Variants in LARP1B observed in about 807,000 individuals in gnomAD.
The protein encoded by LARP1B is La ribonucleoprotein 1B.
A neutral mutation model predicts 114.2 loss-of-function variants in LARP1B; 76 were observed. That is an observed-to-expected ratio of 0.67 (90% CI 0.55 to 0.81). The LOEUF is 0.81. Among genes scored for constraint, LARP1B ranks in the 30% least tolerant of loss-of-function variants. The pLI, the probability that LARP1B is intolerant of heterozygous loss-of-function variation, is 0.00. For synonymous variants in LARP1B, 345 were observed against 348.0 expected (o/e 0.99, Z 0.10); for missense variants, 1,014 against 1,075.8 (o/e 0.94, Z 0.80).
intron 12 of LARP1B, among the ~76,000 whole-genome samples, chr4:128,165,847 A>G (rs1448971453): frequency 6.6e-6 from 1 of 152,082 alleles, no homozygotes; most frequent in Admixed American, 6.6e-5. Flanking sequence ...CTTCTGCCTC[A>G]TAGAGTCTTT....
Position 128,135,098 on chromosome 4 carries a change from AAAATAAATAAATAAATAAAT to A in LARP1B, c.1524+12938_1524+12957del, listed in dbSNP as rs71304333. On this transcript the variant is annotated intron_variant, in intron 11 of 19. Coordinates refer to ENST00000326639, the MANE Select transcript of LARP1B (RefSeq NM_018078.4). The stretch of plus-strand genomic sequence containing the variant: ...GCCTGGGTGACTGAGACTTCATCTC[AAAATAAATAAATAAATAAAT>A]AAATAAATAAATAAATAAATAAATA... Among the ~76,000 whole-genome samples, 303 of 141,568 alleles carry A rather than the reference AAAATAAATAAATAAATAAAT, an allele frequency of 2.1e-3. 1 individual carries two copies. Among genetic ancestry groups the A allele is most frequent in the Non-Finnish European group, 3.3e-3 (216 of 65,512 alleles). The allele number at this position is 141,568 out of a possible 152,430, so 92.9% of individuals were successfully genotyped here. A position where few individuals can be genotyped will look rare whatever the true frequency, so the allele number is the denominator to read the frequency against.
At chr4:128,162,399 T>C (rs1025463277) in intron 12 of LARP1B, 82 bp downstream of exon 12, 5 of 1,252,126 alleles carry the variant, frequency 4.0e-6, no homozygotes, top group Non-Finnish European at 5.5e-6. Flanking sequence ...TCCTTTTTTT[T>C]CTTTATTTGT....
In LARP1B at chr4:128,136,332, AAAAAC is replaced by A. The variant is rs569897967; in HGVS notation, c.1524+14154_1524+14158del. ...AGTCTCAAGAAAAACAAAAAAACAA[AAAAAC>A]AAAACAAAAAACAAAAAACAAAACT... On this transcript the variant is annotated intron_variant, in intron 11 of 19. Coordinates refer to ENST00000326639, the MANE Select transcript of LARP1B (RefSeq NM_018078.4). Among the ~76,000 whole-genome samples the A allele has an allele frequency of 3.0e-3, 454 of 151,972 alleles. 4 individuals carry two copies. Among genetic ancestry groups the A allele is most frequent in the African/African-American group, 0.01 (434 of 41,472 alleles).
At chr4:128,183,062 G>A (rs180872182) in intron 15 of LARP1B, among the ~76,000 whole-genome samples, 6 of 152,340 alleles carry the variant, frequency 3.9e-5, no homozygotes, top group Admixed American at 2.6e-4. Flanking sequence ...TAATATAAAA[G>A]TGCAAGGTGA....
chr4:128,081,095 TGA>T (rs1458578301), intron 4 of LARP1B, among the ~76,000 whole-genome samples: 3 of 107,750 alleles, frequency 2.8e-5, no homozygotes, highest in African/African-American at 1.0e-4. Context: ...TTTTTTTTTT[TGA>T]GACAGACTCT....
At chr4:128,170,872 CTTTTTTT>C (rs70966085) in intron 12 of LARP1B, among the ~76,000 whole-genome samples, 10 of 95,016 alleles carry the variant, frequency 1.1e-4, no homozygotes, top group African/African-American at 2.0e-4. Flanking sequence ...TTTTTCTTTT[CTTTTTTT>C]TTTTTTTTTT....
downstream of LARP1B, among the ~76,000 whole-genome samples, chr4:128,213,808 G>A (rs7691073): frequency 9.0e-3 from 1,376 of 152,302 alleles, 24 homozygotes; most frequent in African/African-American, 0.031. Context: ...AGCCAAGATG[G>A]CTGAATAGGA....
At chr4:128,222,642 G>C (rs1760104873), downstream of LARP1B, 1 of 263,136 alleles carries the variant, frequency 3.8e-6, no homozygotes, top group African/African-American at 2.3e-5. Flanking sequence ...CCCAAGAAGG[G>C]GAATAACTTA....
intron 11 of LARP1B, among the ~76,000 whole-genome samples, chr4:128,134,859 C>G (rs1196514651): frequency 6.6e-6 from 1 of 152,088 alleles, no homozygotes; most frequent in African/African-American, 2.4e-5. Context: ...AATCCCAGCA[C>G]TTTAGGAGGC....
chr4:128,130,131 T>C (rs1791093789), intron 11 of LARP1B, among the ~76,000 whole-genome samples: 1 of 152,158 alleles, frequency 6.6e-6, no homozygotes, highest in South Asian at 2.1e-4. Context: ...AGTGGGAGGA[T>C]TGCTTGAGAC....
chr4:128,126,797 T>C (rs1789773718), intron 11 of LARP1B, among the ~76,000 whole-genome samples: 1 of 125,444 alleles, frequency 8.0e-6, no homozygotes. Flanking sequence ...ATTATAAAGC[T>C]TTTTATTTGT....
In LARP1B at chr4:128,118,485, C is replaced by G. The variant is rs531529659; in HGVS notation, c.1162-3341C>G. Among the ~76,000 whole-genome samples the G allele has an allele frequency of 5.3e-5, 8 of 152,072 alleles. No individual in the cohort carries two copies. In the East Asian group the frequency reaches 1.6e-3, roughly 29 times the overall value. On this transcript the variant is annotated intron_variant, in intron 10 of 19. Coordinates refer to ENST00000326639, the MANE Select transcript of LARP1B (RefSeq NM_018078.4). ...TCTCCTTACCTCGTGATCCGCCCGCCTCAGCCTCCCAAAGTGCTGGGATTA... is the reference window on the plus strand; with the variant it reads ...TCTCCTTACCTCGTGATCCGCCCGCGTCAGCCTCCCAAAGTGCTGGGATTA...
chr4:128,104,514 A>G (rs1288179275), intron 8 of LARP1B, among the ~76,000 whole-genome samples: 1 of 151,732 alleles, frequency 6.6e-6, no homozygotes, highest in Non-Finnish European at 1.5e-5. Context: ...ACCTGATCTC[A>G]GCTCACTGCA....
intron 9 of LARP1B, chr4:128,108,122 A>T: frequency 7.5e-7 from 1 of 1,327,316 alleles, no homozygotes; most frequent in Non-Finnish European, 9.6e-7. Flanking sequence ...GAGGACTGCT[A>T]CTCTTTTTAT....
At chr4:128,141,215 A>T (rs1727948288) in intron 11 of LARP1B, among the ~76,000 whole-genome samples, 1 of 152,070 alleles carries the variant, frequency 6.6e-6, no homozygotes, top group African/African-American at 2.4e-5. Flanking sequence ...TTAACATAGG[A>T]TGTAGAGATC....
At chr4:128,098,751 A>ATT (rs1561199905) in intron 8 of LARP1B, among the ~76,000 whole-genome samples, 3 of 18,648 alleles carry the variant, frequency 1.6e-4, no homozygotes, top group African/African-American at 7.6e-4. Flanking sequence ...GTATGTGTAT[A>ATT]TATATATATA....
At chr4:128,152,799 A>G (rs954908185) in intron 11 of LARP1B, among the ~76,000 whole-genome samples, 15 of 151,942 alleles carry the variant, frequency 9.9e-5, no homozygotes, top group African/African-American at 3.6e-4. Context: ...AGCTCTCTCA[A>G]GATGGTTCCT....
chr4:128,155,817 G>A, intron 11 of LARP1B: 1 of 1,586,558 alleles, frequency 6.3e-7, no homozygotes, highest in African/African-American at 1.3e-5. Flanking sequence ...TGGAAGATGA[G>A]AAATCAGGGC....
rs755529195 is a variant in LARP1B, at chr4:128,207,303, C to T, written c.2467C>T (p.Gln823Ter). 2.6e-6 allele frequency: 4 copies of T among 1,539,358 alleles called. No homozygotes were observed. Among genetic ancestry groups the T allele is most frequent in the Non-Finnish European group, 3.5e-6 (4 of 1,137,994 alleles). ...EKFWAYLKYS[Q>*]SKTQSIDPKL... ...GTTTTGGGCTTATTTGAAATATTCT[C>T]AATCTAAGACACAGTCTATTGACCC... The change falls in exon 19 of 20, where the codon CAA (glutamine) becomes TAA (stop). Residue 823 changes from glutamine to a stop codon, truncating the protein, a stop_gained. Coordinates refer to ENST00000326639, the MANE Select transcript of LARP1B (RefSeq NM_018078.4). LOFTEE classifies it high-confidence loss of function.
Sources: allele counts gnomAD v4.1 joint callset (sites outside exome capture counted in the v4.1 genomes callset), GRCh38; gene constraint gnomAD v4.1.1; transcripts MANE v1.5; gene names NCBI Gene and HGNC (gene_info 2026-07-23, HGNC 2026-07-21).